Variants in ATG2B observed in about 807,000 individuals in gnomAD.
ATG2B encodes autophagy related 2B.
ATG2B carries 121 observed loss-of-function variants against 241.3 expected under a neutral mutation model. The ratio of observed to expected loss-of-function variants is 0.50; its 90% CI spans 0.43 to 0.58. ATG2B has a LOEUF of 0.58. Among genes scored for constraint, ATG2B ranks in the 20% least tolerant of loss-of-function variants. The pLI, the probability that ATG2B is intolerant of heterozygous loss-of-function variation, is 0.00. For missense variants in ATG2B, 2,306 were observed against 2,491.6 expected (o/e 0.93, Z 1.59); for synonymous variants, 858 against 876.6 (o/e 0.98, Z 0.37).
chr14:96,310,482 A>C (rs1257652540), intron 28 of ATG2B, among the ~76,000 whole-genome samples: 1 of 152,224 alleles, frequency 6.6e-6, no homozygotes, highest in Non-Finnish European at 1.5e-5. Context: ...GACATTCTTC[A>C]ATTTGGACAT....
rs1413814705 is a variant in ATG2B at position 96,279,789 on chromosome 14, A to G, written c.*5966T>C. 1 of 150,002 alleles carries G rather than the reference A, an allele frequency of 6.7e-6. No individual in the cohort carries two copies. The highest frequency in any genetic ancestry group is 1.5e-5 in the Non-Finnish European group (1 of 67,792). The allele number at this position is 150,002 out of a possible 1,614,324, so 9.3% of individuals were successfully genotyped here. The stretch of plus-strand genomic sequence containing the variant: ...TGATTTTTAACAGGGGATTTTTGTC[A>G]TATTTGGCATATTTGGCCATGTCTG... On this transcript the variant is annotated 3_prime_UTR_variant, in exon 42 of 42. Coordinates refer to ENST00000359933, the MANE Select transcript of ATG2B (RefSeq NM_018036.7).
intron 6 of ATG2B, among the ~76,000 whole-genome samples, chr14:96,340,176 C>CATATATG (rs1887994209): frequency 1.7e-5 from 1 of 59,354 alleles, no homozygotes; most frequent in Admixed American, 2.2e-4. Flanking sequence ...GATATATATT[C>CATATATG]ACACACACGT....
At chr14:96,297,667 G>T (rs968005278) in intron 34 of ATG2B, among the ~76,000 whole-genome samples, 5 of 152,180 alleles carry the variant, frequency 3.3e-5, no homozygotes, top group African/African-American at 9.7e-5. Context: ...AAAGTGCTGA[G>T]ATTACAGGCG....
chr14:96,335,530 T>C (rs1047322339), intron 6 of ATG2B, among the ~76,000 whole-genome samples: 12 of 152,174 alleles, frequency 7.9e-5, no homozygotes, highest in Non-Finnish European at 1.3e-4. Context: ...TCCTGTTTTA[T>C]AGGTGAAGAA....
At chr14:96,314,240 C>T (rs758440688) in intron 23 of ATG2B, among the ~76,000 whole-genome samples, 41 of 152,080 alleles carry the variant, frequency 2.7e-4, no homozygotes, top group Admixed American at 1.3e-4. Context: ...TATTATTTTC[C>T]CAGCACAATT....
chr14:96,347,592 G>T (rs1888203942), intron 1 of ATG2B, among the ~76,000 whole-genome samples: 2 of 152,054 alleles, frequency 1.3e-5, no homozygotes, highest in South Asian at 2.1e-4. Flanking sequence ...TCTGACCCAG[G>T]ATTACTAATC....
In ATG2B at chr14:96,340,122, T is replaced by TTC. The variant is rs1566731546; in HGVS notation, c.924+1399_924+1400insGA. Among the ~76,000 whole-genome samples, 34 of 14,374 alleles carry TTC rather than the reference T, an allele frequency of 2.4e-3. 4 individuals are homozygous for TTC. The highest frequency in any genetic ancestry group is 3.8e-3 in the Non-Finnish European group (26 of 6,770). 9.4% of individuals were successfully genotyped at this position (14,374 alleles called of 152,430 possible). The stretch of plus-strand genomic sequence containing the variant: ...ATATAGAATATATGATATATATGAA[T>TTC]ATATATATCATATATGATATATATG... On this transcript the variant is annotated intron_variant, in intron 6 of 41. Transcript: ENST00000359933.
intron 27 of ATG2B, 126 bp downstream of exon 27, chr14:96,311,416 A>G (rs1216225584): frequency 1.7e-6 from 2 of 1,190,288 alleles, no homozygotes; most frequent in Non-Finnish European, 2.3e-6. Flanking sequence ...GTATTTAAAT[A>G]AATCCATTTT....
At chr14:96,315,322 T>C in intron 22 of ATG2B, 62 bp downstream of exon 22, 1 of 1,588,006 alleles carries the variant, frequency 6.3e-7, no homozygotes, top group African/African-American at 1.3e-5. Flanking sequence ...TATGTTGCCT[T>C]TTATGTAATT....
At chr14:96,356,687 T>C (rs1888484229) in intron 1 of ATG2B, among the ~76,000 whole-genome samples, 1 of 152,132 alleles carries the variant, frequency 6.6e-6, no homozygotes, top group African/African-American at 2.4e-5. Context: ...GAAGCCTGAA[T>C]GTTAGCAAAT....
chr14:96,291,953 A>G, intron 37 of ATG2B, 76 bp downstream of exon 37: 1 of 1,038,682 alleles, frequency 9.6e-7, no homozygotes, highest in South Asian at 1.6e-5. Context: ...ATGACAAAGC[A>G]AAGTTAAAAA....
At position 96,316,592 on chromosome 14, in the gene ATG2B, C is replaced by T. The variant is rs781032123; in HGVS notation, c.3302G>A (p.Gly1101Asp). The T allele has an allele frequency of 1.2e-6, 2 of 1,613,568 alleles. No individual in the cohort carries two copies. The highest frequency in any genetic ancestry group is 1.3e-5 in the African/African-American group (1 of 74,896). ...GCAAATGTAGTGCTTGTCATCAAAA[C>T]CTTCATATTTTGTCACACAAAATAA... ...GSLFCVTKYE[G>D]FDDKHYICLH... Residue 1101 changes from glycine (G) to aspartate (D), a missense_variant, in exon 21 of 42, where the codon GGT becomes GAT. Gly to Asp is a moderately conservative substitution (Grantham distance 94). Coordinates refer to ENST00000359933, the MANE Select transcript of ATG2B (RefSeq NM_018036.7).
Position 96,289,622 on chromosome 14 carries a change from G to A in ATG2B, c.6006+34C>T, listed in dbSNP as rs758570961. ...GTGAAAGTTGGGAAAGCGCACAGAA[G>A]GGTTCTGATGTGTCCACCCAAGTAT... On this transcript the variant is annotated intron_variant, in intron 41 of 41. Coordinates refer to ENST00000359933, the MANE Select transcript of ATG2B (RefSeq NM_018036.7). This position sits in a 1 kb window ranked among gnomAD's most constrained non-coding sequence, Gnocchi z 4.3. 1 of 1,606,650 alleles carries A rather than the reference G, an allele frequency of 6.2e-7. No individual in the cohort carries two copies. Among genetic ancestry groups the A allele is most frequent in the Non-Finnish European group, 8.5e-7 (1 of 1,176,404 alleles).
intron 18 of ATG2B, 96 bp downstream of exon 18, chr14:96,322,016 A>G: frequency 1.1e-6 from 1 of 876,590 alleles, no homozygotes; most frequent in Admixed American, 2.8e-5. Flanking sequence ...ATGGCATATA[A>G]TATTCAGGCA....
intron 36 of ATG2B, among the ~76,000 whole-genome samples, chr14:96,293,463 A>C (rs2139838827): frequency 6.6e-6 from 1 of 152,330 alleles, no homozygotes; most frequent in East Asian, 1.9e-4. Context: ...TTGTGCCTAG[A>C]TCAAAACCTG....
chr14:96,318,469 G>A (rs1050466106), intron 18 of ATG2B, among the ~76,000 whole-genome samples: 5 of 152,196 alleles, frequency 3.3e-5, no homozygotes, highest in Admixed American at 2.0e-4. Flanking sequence ...TTTTTTTAAG[G>A]CAAGTATTTA....
At chr14:96,347,860 A>G (rs2139900410) in intron 1 of ATG2B, among the ~76,000 whole-genome samples, 1 of 152,344 alleles carries the variant, frequency 6.6e-6, no homozygotes, top group South Asian at 2.1e-4. Flanking sequence ...TGTGGAGCAA[A>G]GGCAACCCTC....
intron 18 of ATG2B, among the ~76,000 whole-genome samples, chr14:96,321,760 G>A (rs1032528825): frequency 2.0e-5 from 3 of 152,132 alleles, no homozygotes; most frequent in Non-Finnish European, 4.4e-5. Context: ...ATGGGGTTCT[G>A]ATTCTACTCC....
Position 96,311,139 on chromosome 14 carries a change from C to A in ATG2B, c.4139G>T (p.Gly1380Val). The change falls in exon 28 of 42, where the codon GGA (glycine) becomes GTA (valine). Residue 1380 changes from glycine to valine, a missense_variant. Transcript: ENST00000359933. ...TACCTTAGACCTTCTTTGAAAGGCT[C>A]CAGGCTTCATATCTGCCTTGTTAGG... Reference protein sequence around the residue: ...QTPNKADMKPGAFQRRSKVDS... With the variant: ...QTPNKADMKPVAFQRRSKVDS... 1 of 1,613,078 alleles carries A rather than the reference C, an allele frequency of 6.2e-7. No homozygotes were observed. The highest frequency in any genetic ancestry group is 8.5e-7 in the Non-Finnish European group (1 of 1,179,480).
Sources: allele counts gnomAD v4.1 joint callset (sites outside exome capture counted in the v4.1 genomes callset), GRCh38; gene constraint gnomAD v4.1.1; non-coding constraint Gnocchi (gnomAD v3.1); transcripts MANE v1.5; gene names NCBI Gene and HGNC (gene_info 2026-07-23, HGNC 2026-07-21).